SYT1: variants seen among roughly 807,000 people sequenced by gnomAD.
SYT1 encodes the protein synaptotagmin-1.
A neutral mutation model predicts 44.8 loss-of-function variants in SYT1; 8 were observed. The observed-to-expected ratio is 0.18, with a 90% CI of 0.10 to 0.32. SYT1 has a LOEUF of 0.32. Ranked by LOEUF, SYT1 falls within the 10% of genes least tolerant of loss-of-function variation. The pLI is 1.00. For synonymous variants in SYT1, 154 were observed against 188.8 expected, an observed-to-expected ratio of 0.82 and a Z score of 1.51; for missense variants, 286 against 509.3, an observed-to-expected ratio of 0.56 and a Z score of 4.22.
At position 79,056,312 on chromosome 12, in the gene SYT1, A is replaced by G. The variant is rs372644580; in HGVS notation, c.-18+8950A>G. Among the ~76,000 whole-genome samples, 213 of 152,168 alleles carry G rather than the reference A, an allele frequency of 1.4e-3. 1 individual carries two copies. The highest frequency in any genetic ancestry group is 3.9e-3 in the Admixed American group (60 of 15,256). On this transcript the variant is annotated intron_variant, in intron 3 of 10. Transcript: ENST00000261205. ...TAACACAAGATGAAATTTCGATTTG[A>G]TAGAGTAGGATGCAGGCTTGCTTTG...
chr12:78,977,484 A>G (rs938693258), intron 1 of SYT1: 1 of 152,270 alleles, frequency 6.6e-6, no homozygotes, highest in Non-Finnish European at 1.5e-5. Flanking sequence ...CTTCTGTGGC[A>G]GCACAGGCTA....
intron 3 of SYT1, among the ~76,000 whole-genome samples, chr12:79,143,334 C>G (rs554332366): frequency 6.6e-6 from 1 of 152,146 alleles, no homozygotes; most frequent in Non-Finnish European, 1.5e-5. Flanking sequence ...TTATTAGGCC[C>G]TCTTTTAGGT....
intron 4 of SYT1, among the ~76,000 whole-genome samples, chr12:79,272,077 G>A (rs1400072479): frequency 6.6e-6 from 1 of 152,158 alleles, no homozygotes; most frequent in East Asian, 1.9e-4. Flanking sequence ...CATATGGTAA[G>A]CCTTGAAAAG....
At chr12:79,085,443 A>G (rs573203000) in intron 3 of SYT1, among the ~76,000 whole-genome samples, 2 of 152,216 alleles carry the variant, frequency 1.3e-5, no homozygotes, top group South Asian at 2.1e-4. Flanking sequence ...TAAGTCATCC[A>G]GGAAGTTTAT....
rs368742338 is a variant in SYT1, at chr12:79,061,136, A to G, written c.-18+13774A>G. Among the ~76,000 whole-genome samples the G allele has an allele frequency of 3.9e-5, 6 of 152,076 alleles. No individual in the cohort carries two copies. The East Asian group carries it at 7.7e-4, about 20-fold the overall frequency. Reference sequence around the variant, plus strand: ...CAAATTTATAGCCATCAAGTTTTCTACTACTACCATTTAACTTCTAATCAG... The same window carrying G: ...CAAATTTATAGCCATCAAGTTTTCTGCTACTACCATTTAACTTCTAATCAG... On this transcript the variant is annotated intron_variant, in intron 3 of 10. Transcript: ENST00000261205.
intron 3 of SYT1, among the ~76,000 whole-genome samples, chr12:79,052,525 G>C (rs1874585535): frequency 6.6e-6 from 1 of 152,118 alleles, no homozygotes. Flanking sequence ...TTAAACTAAA[G>C]AGCTTCTGCA....
chr12:78,914,499 C>T (rs970631985), intron 1 of SYT1, among the ~76,000 whole-genome samples: 1 of 77,708 alleles, frequency 1.3e-5, no homozygotes, highest in Non-Finnish European at 2.5e-5. Flanking sequence ...TGTATTGATG[C>T]ACATGTTAGA....
intron 3 of SYT1, among the ~76,000 whole-genome samples, chr12:79,168,727 TGA>T (rs1871347224): frequency 6.6e-6 from 1 of 152,048 alleles, no homozygotes; most frequent in African/African-American, 2.4e-5. Context: ...GATGTGATTT[TGA>T]GGTCACAACC....
chr12:79,144,227 C>T (rs1419582700), intron 3 of SYT1, among the ~76,000 whole-genome samples: 1 of 152,194 alleles, frequency 6.6e-6, no homozygotes, highest in African/African-American at 2.4e-5. Flanking sequence ...CTTATTTCTC[C>T]TGAATCTCAA....
At chr12:79,047,066 GTA>G (rs1225356096) in intron 2 of SYT1, among the ~76,000 whole-genome samples, 3 of 151,734 alleles carry the variant, frequency 2.0e-5, no homozygotes, top group African/African-American at 7.2e-5. Context: ...CATAAAATCA[GTA>G]TATAAACTAT....
intron 3 of SYT1, among the ~76,000 whole-genome samples, chr12:79,211,368 A>G (rs2099976735): frequency 6.6e-6 from 1 of 152,178 alleles, no homozygotes; most frequent in Admixed American, 6.5e-5. Flanking sequence ...ACATCCTTAT[A>G]TTAAATTGCT....
chr12:79,185,686 A>G (rs1872762242), intron 3 of SYT1, among the ~76,000 whole-genome samples: 1 of 152,026 alleles, frequency 6.6e-6, no homozygotes, highest in Non-Finnish European at 1.5e-5. Flanking sequence ...GAAAATATGG[A>G]TCAGTAGTAT....
At chr12:79,231,791 C>T (rs1016695055) in intron 4 of SYT1, among the ~76,000 whole-genome samples, 1 of 152,134 alleles carries the variant, frequency 6.6e-6, no homozygotes, top group African/African-American at 2.4e-5. Flanking sequence ...ATTTAAAACA[C>T]TGCTGTTATA....
intron 3 of SYT1, among the ~76,000 whole-genome samples, chr12:79,207,163 G>T (rs909322529): frequency 2.0e-5 from 3 of 152,004 alleles, no homozygotes; most frequent in South Asian, 4.2e-4. Context: ...CCTCAAATTT[G>T]CTGTGACTAT....
chr12:79,264,233 G>A (rs1467942304), intron 4 of SYT1, among the ~76,000 whole-genome samples: 1 of 149,576 alleles, frequency 6.7e-6, no homozygotes, highest in Non-Finnish European at 1.5e-5. Flanking sequence ...AAGCTGGAGT[G>A]CAGTGGTGTG....
intron 9 of SYT1, among the ~76,000 whole-genome samples, chr12:79,431,589 G>A (rs1869790973): frequency 6.7e-6 from 1 of 150,176 alleles, no homozygotes; most frequent in Non-Finnish European, 1.5e-5. Context: ...CCAGGCTGGA[G>A]TTGGAGTGCA....
intron 7 of SYT1, among the ~76,000 whole-genome samples, chr12:79,298,919 A>G (rs1486567825): frequency 1.3e-5 from 2 of 152,180 alleles, no homozygotes; most frequent in African/African-American, 4.8e-5. Flanking sequence ...TCATTGCTCC[A>G]TTGAACTGTG....
In SYT1 at chr12:79,440,231, G is replaced by C. The variant is rs546919164; in HGVS notation, c.929-3842G>C. Among the ~76,000 whole-genome samples the C allele has an allele frequency of 3.9e-5, 6 of 152,250 alleles. No homozygotes were observed. In the South Asian group the frequency reaches 1.2e-3, roughly 32 times the overall value. On this transcript the variant is annotated intron_variant, in intron 9 of 10. Transcript: ENST00000261205. ...AGACTCCATCTCAAAAAAAGAGAGAGAGAGACTCAACTACTTTTTTAAGAT... is the reference window on the plus strand; with the variant it reads ...AGACTCCATCTCAAAAAAAGAGAGACAGAGACTCAACTACTTTTTTAAGAT...
intron 3 of SYT1, among the ~76,000 whole-genome samples, chr12:79,137,045 C>T (rs1330965978): frequency 6.6e-6 from 1 of 151,892 alleles, no homozygotes; most frequent in East Asian, 1.9e-4. Flanking sequence ...TTAGGTCTAA[C>T]ATTTATTATT....
Sources: allele counts gnomAD v4.1 joint callset (sites outside exome capture counted in the v4.1 genomes callset), GRCh38; gene constraint gnomAD v4.1.1; transcripts MANE v1.5; gene names NCBI Gene and HGNC (gene_info 2026-07-23, HGNC 2026-07-21).